The following SEMA3C variants were observed in gnomAD, a reference collection of about 807,000 sequenced individuals.
SEMA3C encodes the protein semaphorin-3C.
Under a neutral mutation model 89.4 loss-of-function variants are expected in SEMA3C, and 47 were observed. That is an observed-to-expected ratio of 0.53 (90% CI 0.42 to 0.67). The LOEUF (loss-of-function observed/expected upper bound fraction) is 0.67, where lower values mean the gene tolerates loss of function less well. Among genes scored for constraint, SEMA3C ranks in the 30% least tolerant of loss-of-function variants. SEMA3C has a pLI of 0.00. For missense variants in SEMA3C, 839 were observed against 929.1 expected (o/e 0.90, Z 1.26); for synonymous variants, 310 against 320.2 (o/e 0.97, Z 0.34).
intron 2 of SEMA3C, among the ~76,000 whole-genome samples, chr7:80,875,114 C>A (rs906584965): frequency 7.8e-5 from 11 of 140,746 alleles, no homozygotes; most frequent in Admixed American, 5.0e-4. Flanking sequence ...AAAAAAAAAA[C>A]ACCTTCCTCA....
chr7:80,802,837 A>G, intron 8 of SEMA3C, 58 bp from the exon 9 acceptor site: 1 of 1,311,348 alleles, frequency 7.6e-7, no homozygotes, highest in East Asian at 2.3e-5. Flanking sequence ...AAGCACATTA[A>G]AAATTCGACT....
At chr7:80,786,572 C>G (rs976436417) in intron 12 of SEMA3C, among the ~76,000 whole-genome samples, 1 of 152,202 alleles carries the variant, frequency 6.6e-6, no homozygotes, top group Non-Finnish European at 1.5e-5. Flanking sequence ...TTTTCTAACA[C>G]AAACTCTAAG....
At chr7:80,816,014 AG>A (rs956163341) in intron 5 of SEMA3C, 4 of 152,172 alleles carry the variant, frequency 2.6e-5, no homozygotes, top group African/African-American at 4.8e-5. Context: ...ATCTTTTTCC[AG>A]GAACAGAAGA....
At chr7:80,813,923 C>A (rs1317348145) in intron 5 of SEMA3C, among the ~76,000 whole-genome samples, 2 of 152,108 alleles carry the variant, frequency 1.3e-5, no homozygotes, top group African/African-American at 2.4e-5. Flanking sequence ...AATTATGGTA[C>A]AAAACTCAGT....
At chr7:80,850,005 A>G (rs1362076533) in intron 2 of SEMA3C, among the ~76,000 whole-genome samples, 5 of 152,204 alleles carry the variant, frequency 3.3e-5, no homozygotes, top group Non-Finnish European at 7.4e-5. Flanking sequence ...ATGTCTTACA[A>G]GATATTTAAA....
chr7:80,771,830 A>C (rs1303117368), intron 12 of SEMA3C, among the ~76,000 whole-genome samples: 2 of 152,128 alleles, frequency 1.3e-5, no homozygotes, highest in Non-Finnish European at 2.9e-5. Flanking sequence ...TATTCTAGTC[A>C]GGGCCAGCTT....
Position 80,744,697 on chromosome 7 carries a change from G to C in SEMA3C, c.*197C>G. On this transcript the variant is annotated 3_prime_UTR_variant, in exon 18 of 18. Coordinates refer to ENST00000265361, the MANE Select transcript of SEMA3C (RefSeq NM_006379.5). ...TTAAATATATTTATATGCACCATGA[G>C]GACCATGACATGTCTAGTGCTAGTC... The C allele has an allele frequency of 4.9e-6, 3 of 610,592 alleles. No homozygotes were observed. The highest frequency in any genetic ancestry group is 8.7e-6 in the Non-Finnish European group (3 of 345,792). 37.8% of individuals were successfully genotyped at this position (610,592 alleles called of 1,614,324 possible).
Position 80,742,927 on chromosome 7 carries a change from T to C in SEMA3C, c.*1967A>G, listed in dbSNP as rs906609785. The stretch of plus-strand genomic sequence containing the variant: ...GTACACAATTTAATAATTGTGAAAA[T>C]AGAAAGAATTAAATAGCACAAATAT... On this transcript the variant is annotated 3_prime_UTR_variant, in exon 18 of 18. Coordinates refer to ENST00000265361, the MANE Select transcript of SEMA3C (RefSeq NM_006379.5). 6.6e-6 allele frequency: 1 copy of C among 151,962 alleles called. No homozygotes were observed. Among genetic ancestry groups the C allele is most frequent in the Admixed American group, 6.6e-5 (1 of 15,254 alleles). 9.4% of individuals were successfully genotyped at this position (151,962 alleles called of 1,614,324 possible). A position where few individuals can be genotyped will look rare whatever the true frequency, so the allele number is the denominator to read the frequency against.
At chr7:80,800,369 T>C (rs1789172905) in intron 10 of SEMA3C, among the ~76,000 whole-genome samples, 1 of 152,188 alleles carries the variant, frequency 6.6e-6, no homozygotes, top group Admixed American at 6.5e-5. Flanking sequence ...TACACTTGTG[T>C]TACTGTCACT....
chr7:80,768,216 T>G (rs1788345989), intron 12 of SEMA3C, among the ~76,000 whole-genome samples: 1 of 152,176 alleles, frequency 6.6e-6, no homozygotes, highest in African/African-American at 2.4e-5. Flanking sequence ...GCCGCTTCCT[T>G]AGAATTACCT....
chr7:80,802,765 T>A lies in SEMA3C; in HGVS notation c.816A>T (p.Gly272=). The part of the protein sequence containing the change: ...IARICPNDTG[G]LRSLVNKWTT... Reference sequence around the variant, plus strand: ...TCCACTTGTTGACAAGGCTACGCAGTCCACCAGTGTCATTCTAAAACCATT... The same window carrying A: ...TCCACTTGTTGACAAGGCTACGCAGACCACCAGTGTCATTCTAAAACCATT... The change falls in exon 9 of 18, where the codon GGA becomes GGT. Residue 272 remains glycine (G), a synonymous_variant. Coordinates refer to ENST00000265361, the MANE Select transcript of SEMA3C (RefSeq NM_006379.5). The A allele has an allele frequency of 6.2e-7, 1 of 1,611,406 alleles. No individual in the cohort carries two copies. The highest frequency in any genetic ancestry group is 8.5e-7 in the Non-Finnish European group (1 of 1,177,864).
At chr7:80,918,603 T>G (rs1792334083) in intron 1 of SEMA3C, among the ~76,000 whole-genome samples, 1 of 152,164 alleles carries the variant, frequency 6.6e-6, no homozygotes, top group Non-Finnish European at 1.5e-5. Flanking sequence ...ATTTTGCCTT[T>G]GAAGGCACTG....
chr7:80,856,270 C>T (rs1388298811), intron 2 of SEMA3C, among the ~76,000 whole-genome samples: 1 of 151,914 alleles, frequency 6.6e-6, no homozygotes, highest in East Asian at 1.9e-4. Flanking sequence ...CATTTTAGAA[C>T]ATTTGATGTT....
intron 2 of SEMA3C, among the ~76,000 whole-genome samples, chr7:80,846,941 T>C (rs1254587690): frequency 6.6e-6 from 1 of 152,188 alleles, no homozygotes; most frequent in Non-Finnish European, 1.5e-5. Context: ...TAAAGTTCTT[T>C]CCACGGTAAC....
At position 80,749,729 on chromosome 7, in the gene SEMA3C, A is replaced by G. The variant is rs539355290; in HGVS notation, c.1712-701T>C. ...AAGTATTAAATTAGGCAAAACATGT[A>G]GTATTGCCAGGTGGTAGCTTAGACA... is the stretch of plus-strand genomic sequence containing the variant. On this transcript the variant is annotated intron_variant, in intron 16 of 17. Transcript: ENST00000265361. 3.9e-5 allele frequency among the ~76,000 whole-genome samples: 6 copies of G among 152,306 alleles called. No individual in the cohort carries two copies. In the South Asian group the frequency reaches 1.2e-3, roughly 32 times the overall value.
At chr7:80,804,445 C>G (rs545394157) in intron 7 of SEMA3C, among the ~76,000 whole-genome samples, 197 bp from the exon 8 acceptor site, 2 of 152,092 alleles carry the variant, frequency 1.3e-5, no homozygotes, top group South Asian at 4.2e-4. Context: ...ACAGGAAGTG[C>G]AGGAAATGTG....
chr7:80,761,627 A>G lies in SEMA3C; in HGVS notation c.1474T>C (p.Ser492Pro). The stretch of plus-strand genomic sequence containing the variant: ...AGCTTAGTTTTTACCTTTTTAGATG[A>G]AATTTTCATTGTTGTTATAGGAGCA... ...NHAPITTMKI[S>P]SKKQQLYVSS... The change falls in exon 14 of 18, where the codon TCA (serine) becomes CCA (proline). Residue 492 changes from serine to proline, a missense_variant. Ser to Pro is a moderately conservative substitution (Grantham distance 74, BLOSUM62 -1). Transcript: ENST00000265361. The G allele has an allele frequency of 7.5e-7, 1 of 1,341,206 alleles. No individual in the cohort carries two copies. The highest frequency in any genetic ancestry group is 1.0e-6 in the Non-Finnish European group (1 of 968,148). 83.1% of individuals were successfully genotyped at this position (1,341,206 alleles called of 1,614,324 possible). A position where few individuals can be genotyped will look rare whatever the true frequency, so the allele number is the denominator to read the frequency against.
At chr7:80,873,575 G>A (rs546886285) in intron 2 of SEMA3C, among the ~76,000 whole-genome samples, 1 of 152,150 alleles carries the variant, frequency 6.6e-6, no homozygotes, top group Admixed American at 6.5e-5. Flanking sequence ...AGAGGAAGCC[G>A]TAGTCTCCAC....
chr7:80,851,404 T>C lies in SEMA3C; in HGVS notation c.104-22659A>G, dbSNP rs577118577. On this transcript the variant is annotated intron_variant, in intron 2 of 17. Transcript: ENST00000265361. ...CTATAATCCCAGCTACTCAGGAGGC[T>C]GAGGAAGGAGAATTGCTTGAACCTG... is the stretch of plus-strand genomic sequence containing the variant. Among the ~76,000 whole-genome samples the C allele has an allele frequency of 7.5e-5, 11 of 146,800 alleles. No individual in the cohort carries two copies. In the Admixed American group the frequency reaches 7.7e-4, roughly 10 times the overall value.
Sources: allele counts gnomAD v4.1 joint callset (sites outside exome capture counted in the v4.1 genomes callset), GRCh38; gene constraint gnomAD v4.1.1; transcripts MANE v1.5; gene names NCBI Gene and HGNC (gene_info 2026-07-23, HGNC 2026-07-21).